TXNRD3: variants seen among roughly 807,000 people sequenced by gnomAD.
TXNRD3 encodes thioredoxin reductase 3, also known as TXNRD3 neighbor gene protein.
Under a neutral mutation model 78.2 loss-of-function variants are expected in TXNRD3, and 68 were observed. The observed-to-expected ratio is 0.87, with a 90% CI of 0.72 to 1.06. TXNRD3 has a LOEUF of 1.06. Among genes scored for constraint, TXNRD3 ranks in the 50% least tolerant of loss-of-function variants. TXNRD3 has a pLI of 0.00. For synonymous variants in TXNRD3, 296 were observed against 300.1 expected, an observed-to-expected ratio of 0.99 and a Z score of 0.14; for missense variants, 751 against 809.5, an observed-to-expected ratio of 0.93 and a Z score of 0.88.
intron 6 of TXNRD3, among the ~76,000 whole-genome samples, chr3:126,635,117 G>A (rs1040447445): frequency 7.2e-5 from 11 of 152,098 alleles, no homozygotes; most frequent in Non-Finnish European, 1.6e-4. Context: ...TCACCACAAT[G>A]GCACATATCC....
intron 13 of TXNRD3, among the ~76,000 whole-genome samples, chr3:126,613,560 T>C (rs555934344): frequency 2.0e-5 from 3 of 152,374 alleles, no homozygotes; most frequent in Non-Finnish European, 4.4e-5. Context: ...TCCCCAATCA[T>C]GCACTGCATG....
Position 126,654,914 on chromosome 3 carries a change from C to G in TXNRD3, c.77G>C (p.Arg26Pro). ...CGGCGGCGACAACACGCGCGCCCCT[C>G]GGACATGGCCCGAGCGGCGGTTGGG... The change falls in exon 1 of 16, where the codon CGA (arginine) becomes CCA (proline). Residue 26 changes from arginine (R) to proline (P), a missense_variant. Coordinates refer to ENST00000524230, the MANE Select transcript of TXNRD3 (RefSeq NM_052883.3). 7.7e-6 allele frequency: 10 copies of G among 1,295,098 alleles called. No homozygotes were observed. The highest frequency in any genetic ancestry group is 9.7e-6 in the Non-Finnish European group (10 of 1,028,312). 80.2% of individuals were successfully genotyped at this position (1,295,098 alleles called of 1,614,324 possible).
rs1411823512 is a variant in TXNRD3, at chr3:126,622,021, A to G, written c.1368-123T>C. Reference sequence around the variant, plus strand: ...CCTCTTAAAATTCACGCACCTCAGGATATCAATTATATATAAGGTCAATGA... The same window carrying G: ...CCTCTTAAAATTCACGCACCTCAGGGTATCAATTATATATAAGGTCAATGA... On this transcript the variant is annotated intron_variant, in intron 11 of 15. Transcript: ENST00000524230. 3.7e-5 allele frequency: 26 copies of G among 701,932 alleles called. No homozygotes were observed. The Admixed American group carries it at 9.2e-4, about 25-fold the overall frequency. 43.5% of individuals were successfully genotyped at this position (701,932 alleles called of 1,614,324 possible).
Position 126,621,743 on chromosome 3 carries a change from TTTTCTAAAGAG to T in TXNRD3, c.1512_1522del (p.Ser505ValfsTer2). 1.3e-6 allele frequency: 2 copies of T among 1,500,716 alleles called. No homozygotes were observed. Among genetic ancestry groups the T allele is most frequent in the Non-Finnish European group, 1.8e-6 (2 of 1,135,560 alleles). 93.0% of individuals were successfully genotyped at this position (1,500,716 alleles called of 1,614,324 possible). ...TCTCAAAAACAGTAAGAAACTTACC[TTTTCTAAAGAG>T]GCCCCAAAAAGTCTCTGAGCTAGCA... is the stretch of plus-strand genomic sequence containing the variant. On this transcript the variant is annotated frameshift_variant and splice_region_variant, in exon 12 of 16. Transcript: ENST00000524230. LOFTEE classifies it high-confidence loss of function.
chr3:126,647,116 C>T, intron 2 of TXNRD3, 120 bp downstream of exon 2: 1 of 700,758 alleles, frequency 1.4e-6, no homozygotes, highest in South Asian at 2.4e-5. Flanking sequence ...TGAATGTAGA[C>T]AAAAATGCCT....
Position 126,644,406 on chromosome 3 carries a change from G to C in TXNRD3, c.415-5C>G. 1 of 1,530,462 alleles carries C rather than the reference G, an allele frequency of 6.5e-7. No homozygotes were observed. Among genetic ancestry groups the C allele is most frequent in the Non-Finnish European group, 8.8e-7 (1 of 1,142,260 alleles). The allele number at this position is 1,530,462 out of a possible 1,614,324, so 94.8% of individuals were successfully genotyped here. On this transcript the variant is annotated splice_region_variant and splice_polypyrimidine_tract_variant and intron_variant, in intron 3 of 15. Coordinates refer to ENST00000524230, the MANE Select transcript of TXNRD3 (RefSeq NM_052883.3). ...TAACAAACCACTCTGATATGCCTAT[G>C]GTTTAATTACAGGAGAAAGAACACT...
At chr3:126,631,055 C>A (rs185797783) in intron 8 of TXNRD3, 118 bp from the exon 9 acceptor site, 214 of 1,028,338 alleles carry the variant, frequency 2.1e-4, no homozygotes, top group South Asian at 8.2e-4. Flanking sequence ...TTGAATGAAG[C>A]AACAGCCTTT....
At chr3:126,639,887 C>T (rs1333048830) in intron 6 of TXNRD3, among the ~76,000 whole-genome samples, 1 of 152,084 alleles carries the variant, frequency 6.6e-6, no homozygotes, top group African/African-American at 2.4e-5. Context: ...AGTCACTACG[C>T]CCAACCAGAA....
chr3:126,625,881 T>C (rs1938569108), intron 10 of TXNRD3: 1 of 152,458 alleles, frequency 6.6e-6, no homozygotes, highest in African/African-American at 2.4e-5. Context: ...TGGTTTTGAT[T>C]TGAACAGCAG....
At chr3:126,650,381 A>C (rs950610207) in intron 1 of TXNRD3, among the ~76,000 whole-genome samples, 1 of 136,124 alleles carries the variant, frequency 7.3e-6, no homozygotes, top group African/African-American at 2.6e-5. Flanking sequence ...GGTGGCTCAC[A>C]CCTGTAATCC....
chr3:126,645,072 T>C (rs1393912174), intron 3 of TXNRD3, among the ~76,000 whole-genome samples: 3 of 152,206 alleles, frequency 2.0e-5, no homozygotes, highest in Non-Finnish European at 1.5e-5. Flanking sequence ...TTTAGACAAA[T>C]ACCATGATCA....
intron 7 of TXNRD3, among the ~76,000 whole-genome samples, 188 bp from the exon 8 acceptor site, chr3:126,632,067 C>T (rs1938728753): frequency 6.6e-6 from 1 of 151,988 alleles, no homozygotes; most frequent in South Asian, 2.1e-4. Context: ...TAATCAAAGC[C>T]CCATGGTGAG....
intron 13 of TXNRD3, among the ~76,000 whole-genome samples, chr3:126,614,966 C>T (rs1486084251): frequency 3.3e-5 from 5 of 152,092 alleles, no homozygotes; most frequent in African/African-American, 7.2e-5. Context: ...GTGTAGAGGG[C>T]GTCCTTTTGG....
chr3:126,646,222 T>C lies in TXNRD3; in HGVS notation c.305-2A>G. 2.0e-6 allele frequency: 3 copies of C among 1,505,402 alleles called. No homozygotes were observed. The South Asian group carries it at 3.9e-5, about 19-fold the overall frequency. The allele number at this position is 1,505,402 out of a possible 1,614,324, so 93.3% of individuals were successfully genotyped here. On this transcript the variant is annotated splice_acceptor_variant, in intron 2 of 15. Transcript: ENST00000524230. LOFTEE classifies it high-confidence loss of function. ...CTTCTTGAACCCTGGCCCCATCATC[T>C]AAAGAAGAAAAAAACTATATATAAA...
At chr3:126,636,020 C>T (rs965288135) in intron 6 of TXNRD3, among the ~76,000 whole-genome samples, 3 of 152,178 alleles carry the variant, frequency 2.0e-5, no homozygotes, top group Admixed American at 6.5e-5. Context: ...CAGCCTTGAC[C>T]TCCCAGGTCC....
chr3:126,620,171 T>TGGTGGCAG (rs1938416235), intron 12 of TXNRD3, among the ~76,000 whole-genome samples: 4 of 151,844 alleles, frequency 2.6e-5, no homozygotes, highest in Non-Finnish European at 5.9e-5. Context: ...GGCAGGCGCC[T>TGGTGGCAG]GTAGTCCCAG....
chr3:126,621,009 C>A (rs1938436944), intron 12 of TXNRD3, among the ~76,000 whole-genome samples: 1 of 152,194 alleles, frequency 6.6e-6, no homozygotes, highest in Non-Finnish European at 1.5e-5. Flanking sequence ...ACTTCCCCAG[C>A]TGAAAGCTCC....
At chr3:126,608,661 A>C in intron 14 of TXNRD3, 28 bp from the exon 15 acceptor site, 1 of 1,528,994 alleles carries the variant, frequency 6.5e-7, no homozygotes, top group Non-Finnish European at 8.7e-7. Context: ...AACAAAGAGA[A>C]TCCCAGTAGG....
intron 6 of TXNRD3, among the ~76,000 whole-genome samples, chr3:126,638,690 G>A (rs988322284): frequency 5.3e-5 from 8 of 152,060 alleles, no homozygotes; most frequent in East Asian, 3.9e-4. Flanking sequence ...AGCTGAGACC[G>A]CACCACTGCA....
Sources: gnomAD v4.1 joint callset for allele counts (sites outside exome capture counted in the v4.1 genomes callset) on GRCh38, gnomAD v4.1.1 for gene constraint, MANE v1.5 for transcripts, NCBI Gene and HGNC (gene_info 2026-07-23, HGNC 2026-07-21) for gene names.